Variants in SMC5 observed in about 807,000 individuals in gnomAD.
SMC5 encodes structural maintenance of chromosomes 5, also known as structural maintenance of chromosomes protein 5.
A neutral mutation model predicts 148.3 loss-of-function variants in SMC5; 88 were observed. That is an observed-to-expected ratio of 0.59 (90% CI 0.50 to 0.71). SMC5 has a LOEUF of 0.71. Ranked by LOEUF, SMC5 falls within the 30% of genes least tolerant of loss-of-function variation. The probability of loss-of-function intolerance (pLI) is 0.00; values close to 1 mark genes in which losing one functional copy is unlikely to be tolerated. For synonymous variants in SMC5, 421 were observed against 432.8 expected, an observed-to-expected ratio of 0.97 and a Z score of 0.34; for missense variants, 1,142 against 1,298.9, an observed-to-expected ratio of 0.88 and a Z score of 1.86.
At chr9:70,270,907 A>G (rs1378840710) in intron 3 of SMC5, among the ~76,000 whole-genome samples, 1 of 152,098 alleles carries the variant, frequency 6.6e-6, no homozygotes, top group East Asian at 1.9e-4. Flanking sequence ...TTGGCCTCCC[A>G]CAGTGCTGGG....
chr9:70,338,123 C>T (rs1390408892), intron 17 of SMC5, among the ~76,000 whole-genome samples: 2 of 152,094 alleles, frequency 1.3e-5, no homozygotes, highest in African/African-American at 4.8e-5. Context: ...TCAAGCAATC[C>T]TCCTGCCTCA....
At chr9:70,345,629 T>C (rs553762173) in intron 18 of SMC5, among the ~76,000 whole-genome samples, 6 of 151,786 alleles carry the variant, frequency 4.0e-5, no homozygotes, top group African/African-American at 7.3e-5. Flanking sequence ...AGGAATCTCA[T>C]TGGGGTTAAA....
intron 17 of SMC5, among the ~76,000 whole-genome samples, chr9:70,342,355 A>G (rs1056532110): frequency 6.6e-6 from 1 of 151,870 alleles, no homozygotes; most frequent in Non-Finnish European, 1.5e-5. Flanking sequence ...TAACCTGCAC[A>G]TTGTGCACAT....
chr9:70,284,952 C>T (rs2034856235), intron 7 of SMC5, among the ~76,000 whole-genome samples: 1 of 151,824 alleles, frequency 6.6e-6, no homozygotes, highest in Non-Finnish European at 1.5e-5. Context: ...GCTTTTGAGA[C>T]ACACAGACCT....
intron 3 of SMC5, among the ~76,000 whole-genome samples, chr9:70,275,626 ATTG>A (rs2034570875): frequency 6.6e-6 from 1 of 151,480 alleles, no homozygotes. Context: ...TCTTTTTCTC[ATTG>A]TTTTCTGATG....
chr9:70,299,787 TTTTGTTTGTTTG>T (rs148752315), intron 9 of SMC5, among the ~76,000 whole-genome samples: 3 of 151,538 alleles, frequency 2.0e-5, no homozygotes, highest in Non-Finnish European at 4.4e-5. Flanking sequence ...TTGTGGGTTT[TTTTGTTTGTTTG>T]TTTGTTTGTT....
chr9:70,339,479 T>C (rs966479086), intron 17 of SMC5, among the ~76,000 whole-genome samples: 1 of 151,870 alleles, frequency 6.6e-6, no homozygotes, highest in Non-Finnish European at 1.5e-5. Flanking sequence ...TGTAGTAGAA[T>C]AGGTGTATGA....
At chr9:70,337,023 T>C (rs1036377472) in intron 17 of SMC5, among the ~76,000 whole-genome samples, 5 of 152,068 alleles carry the variant, frequency 3.3e-5, no homozygotes, top group Admixed American at 3.3e-4. Context: ...AACTCCCCCT[T>C]ATAGAACCAT....
chr9:70,309,807 C>G (rs886121864), intron 11 of SMC5, among the ~76,000 whole-genome samples: 1 of 152,116 alleles, frequency 6.6e-6, no homozygotes, highest in Non-Finnish European at 1.5e-5. Context: ...ATCTTGAGAC[C>G]TCCTCCCATG....
chr9:70,272,497 C>T (rs1016332800), intron 3 of SMC5, among the ~76,000 whole-genome samples: 31 of 152,130 alleles, frequency 2.0e-4, no homozygotes, highest in African/African-American at 7.5e-4. Context: ...GGGAGGATTG[C>T]TTGAACTCAG....
chr9:70,261,990 A>G (rs1276039204), intron 1 of SMC5, among the ~76,000 whole-genome samples: 1 of 152,226 alleles, frequency 6.6e-6, no homozygotes, highest in African/African-American at 2.4e-5. Flanking sequence ...GGCCGGATGC[A>G]AAGAGAAGAA....
At chr9:70,264,722 G>A (rs758565148) in intron 2 of SMC5, among the ~76,000 whole-genome samples, 22 of 152,102 alleles carry the variant, frequency 1.4e-4, no homozygotes, top group Non-Finnish European at 2.5e-4. Context: ...TTGTGGAACA[G>A]TGAAGTAAAC....
intron 15 of SMC5, among the ~76,000 whole-genome samples, chr9:70,321,933 A>G (rs77869596): frequency 0.02 from 3,031 of 152,298 alleles, 45 homozygotes; most frequent in South Asian, 0.066. Flanking sequence ...CTTCTCGTCT[A>G]TAGACTAAAG....
chr9:70,278,530 C>A lies in SMC5; in HGVS notation c.583C>A (p.Leu195Ile). ...GEFAKLSKIE[L>I]LEATEKSIGP... Reference sequence around the variant, plus strand: ...ATTTGCTAAACTCAGCAAAATTGAACTCCTCGAAGCCACTGAAAAGTCAAT... The same window carrying A: ...ATTTGCTAAACTCAGCAAAATTGAAATCCTCGAAGCCACTGAAAAGTCAAT... Residue 195 changes from leucine to isoleucine, a missense_variant, in exon 5 of 25, where the codon CTC becomes ATC. Physicochemically the swap from Leu to Ile is conservative, Grantham distance 5. Transcript: ENST00000361138. 1 of 1,609,470 alleles carries A rather than the reference C, an allele frequency of 6.2e-7. No homozygotes were observed. The highest frequency in any genetic ancestry group is 1.7e-5 in the Admixed American group (1 of 58,534).
rs2036836009 is a variant in SMC5 at position 70,352,946 on chromosome 9, G to C, written c.*615G>C. 1 of 151,564 alleles carries C rather than the reference G, an allele frequency of 6.6e-6. No individual in the cohort carries two copies. The highest frequency in any genetic ancestry group is 6.6e-5 in the Admixed American group (1 of 15,170). The allele number at this position is 151,564 out of a possible 1,614,324, so 9.4% of individuals were successfully genotyped here. On this transcript the variant is annotated 3_prime_UTR_variant, in exon 25 of 25. Transcript: ENST00000361138. ...GTATTTCAAGGGGAAAAAAGCACTG[G>C]GGTTCAAAAATGGTAGCAGAACTGC...
intron 2 of SMC5, among the ~76,000 whole-genome samples, chr9:70,264,660 A>G (rs1214931244): frequency 1.3e-5 from 2 of 152,188 alleles, no homozygotes; most frequent in Non-Finnish European, 2.9e-5. Flanking sequence ...TCTTACACCT[A>G]AAATGCTAGA....
chr9:70,351,143 G>A (rs949568833), intron 24 of SMC5, among the ~76,000 whole-genome samples: 2 of 152,016 alleles, frequency 1.3e-5, no homozygotes, highest in African/African-American at 4.8e-5. Flanking sequence ...CTTGAGCCCA[G>A]GAGTTCAAGA....
intron 8 of SMC5, 62 bp from the exon 9 acceptor site, chr9:70,297,904 C>G: frequency 6.5e-7 from 1 of 1,535,046 alleles, no homozygotes; most frequent in Non-Finnish European, 8.7e-7. Context: ...TATATTACTA[C>G]AGAAGTCTTA....
intron 10 of SMC5, among the ~76,000 whole-genome samples, chr9:70,305,043 G>A (rs2035459863): frequency 6.6e-6 from 1 of 152,060 alleles, no homozygotes; most frequent in African/African-American, 2.4e-5. Context: ...TCAAATCTTG[G>A]CCTTTGTTTA....
Sources: allele counts gnomAD v4.1 joint callset (sites outside exome capture counted in the v4.1 genomes callset), GRCh38; gene constraint gnomAD v4.1.1; transcripts MANE v1.5; gene names NCBI Gene and HGNC (gene_info 2026-07-23, HGNC 2026-07-21).